TRIM29: variants seen among roughly 807,000 people sequenced by gnomAD.
TRIM29 encodes tripartite motif-containing protein 29.
A neutral mutation model predicts 57.3 loss-of-function variants in TRIM29; 52 were observed. That is an observed-to-expected ratio of 0.91 (90% CI 0.73 to 1.14). TRIM29 has a LOEUF of 1.14. Among genes scored for constraint, TRIM29 ranks in the 50% most tolerant of loss-of-function variants. TRIM29 has a pLI of 0.00. For missense variants in TRIM29, 753 were observed against 774.6 expected (o/e 0.97, Z 0.33); for synonymous variants, 319 against 316.9 (o/e 1.01, Z -0.07).
chr11:120,128,885 T>C, intron 1 of TRIM29: 1 of 1,462,104 alleles, frequency 6.8e-7, no homozygotes, highest in Non-Finnish European at 9.0e-7. Flanking sequence ...CCAGCCCAGC[T>C]CAGCCCAGCC....
chr11:120,127,271 GA>G, intron 3 of TRIM29, 64 bp downstream of exon 3: 6 of 1,424,232 alleles, frequency 4.2e-6, no homozygotes, highest in South Asian at 1.2e-5. Flanking sequence ...ATGGATGTTG[GA>G]GGGGGGTCTC....
chr11:120,123,001 C>T lies in TRIM29; in HGVS notation c.1388G>A (p.Ser463Asn), dbSNP rs776150226. The change falls in exon 5 of 9, where the codon AGT becomes AAT. Residue 463 changes from serine to asparagine, a missense_variant. Transcript: ENST00000341846. ...NYTNSFGGEW[S>N]APDTMKRYSM... Reference sequence around the variant, plus strand: ...GTATCTCTTCATGGTGTCCGGTGCACTCCACTCACCCCCGAAGCTGTTCGT... The same window carrying T: ...GTATCTCTTCATGGTGTCCGGTGCATTCCACTCACCCCCGAAGCTGTTCGT... 1 of 1,614,126 alleles carries T rather than the reference C, an allele frequency of 6.2e-7. No individual in the cohort carries two copies. Among genetic ancestry groups the T allele is most frequent in the Non-Finnish European group, 8.5e-7 (1 of 1,180,012 alleles).
Position 120,115,264 on chromosome 11 carries a change from T to C in TRIM29, c.1704+74A>G, listed in dbSNP as rs977549676. 13 of 1,474,232 alleles carry C rather than the reference T, an allele frequency of 8.8e-6. 1 individual carries two copies. In the Middle Eastern group the frequency reaches 7.4e-4, roughly 84 times the overall value. The allele number at this position is 1,474,232 out of a possible 1,614,324, so 91.3% of individuals were successfully genotyped here. A position where few individuals can be genotyped will look rare whatever the true frequency, so the allele number is the denominator to read the frequency against. On this transcript the variant is annotated intron_variant, in intron 8 of 8. Coordinates refer to ENST00000341846, the MANE Select transcript of TRIM29 (RefSeq NM_012101.4). ...GTCCTCCCACAGGCCCTGGAACCGA[T>C]TGCCTCCAGGGAGCCCCCTTCAGTG...
At chr11:120,131,761 G>T (rs76841124) in intron 1 of TRIM29, among the ~76,000 whole-genome samples, 4,796 of 151,544 alleles carry the variant, frequency 0.032, 129 homozygotes, top group Non-Finnish European at 0.045. Context: ...TGTCTGTTCA[G>T]CTCTTGGCAA....
chr11:120,120,365 AC>A (rs1863405619), intron 6 of TRIM29, among the ~76,000 whole-genome samples: 1 of 150,116 alleles, frequency 6.7e-6, no homozygotes, highest in African/African-American at 2.5e-5. Context: ...ACACACACAC[AC>A]ACACACACAC....
chr11:120,115,438 C>A lies in TRIM29; in HGVS notation c.1628-24G>T, dbSNP rs199858054. The A allele has an allele frequency of 2.5e-6, 4 of 1,608,916 alleles. No homozygotes were observed. The East Asian group carries it at 8.9e-5, about 36-fold the overall frequency. On this transcript the variant is annotated intron_variant, in intron 7 of 8. Coordinates refer to ENST00000341846, the MANE Select transcript of TRIM29 (RefSeq NM_012101.4). ...GCCTGGGAAGACAAGAGATTCAGGTCAAAGGGAGCAGCGCTGGTGGTCAGG... is the reference window on the plus strand; with the variant it reads ...GCCTGGGAAGACAAGAGATTCAGGTAAAAGGGAGCAGCGCTGGTGGTCAGG...
intron 4 of TRIM29, chr11:120,123,463 G>C (rs986244019): frequency 3.1e-5 from 14 of 458,262 alleles, no homozygotes; most frequent in Non-Finnish European, 5.7e-5. Flanking sequence ...GTCACATGCC[G>C]ATAAGGGCAG....
chr11:120,129,663 G>A (rs1863678097), intron 1 of TRIM29, among the ~76,000 whole-genome samples: 1 of 151,734 alleles, frequency 6.6e-6, no homozygotes, highest in African/African-American at 2.4e-5. Flanking sequence ...GGCCAAGGAA[G>A]TGCTAACAGG....
rs1863832314 is a variant in TRIM29, at chr11:120,137,113, G to C, written c.804+115C>G. The C allele has an allele frequency of 8.8e-7, 1 of 1,132,224 alleles. No individual in the cohort carries two copies. Among genetic ancestry groups the C allele is most frequent in the African/African-American group, 1.5e-5 (1 of 64,636 alleles). The allele number at this position is 1,132,224 out of a possible 1,614,324, so 70.1% of individuals were successfully genotyped here. A position where few individuals can be genotyped will look rare whatever the true frequency, so the allele number is the denominator to read the frequency against. On this transcript the variant is annotated intron_variant, in intron 1 of 8. Transcript: ENST00000341846. The surrounding 1 kb of genome is among the most constrained non-coding windows in gnomAD (Gnocchi z 6.2). ...ATAAATGTTTTCTAAAAGAGCCAAG[G>C]ACAGTAGAAACTTAAGCCCCAAACC...
intron 7 of TRIM29, chr11:120,116,123 G>A (rs1366441535): frequency 6.6e-6 from 1 of 152,362 alleles, no homozygotes; most frequent in African/African-American, 2.4e-5. Context: ...GGCCTAGAGA[G>A]GTGCAGGAAT....
rs1322940848 is a variant in TRIM29 at position 120,125,691 on chromosome 11, C to T, written c.1333G>A (p.Gly445Ser). Reference sequence around the variant, plus strand: ...GGCCCAGCCACGAGAGGGGACCTACCGTTCTCCATGTGGTTCCTCTCAATG... The same window carrying T: ...GGCCCAGCCACGAGAGGGGACCTACTGTTCTCCATGTGGTTCCTCTCAATG... ...NFIERNHMENGGDHRYVNNYT... is the reference protein window; with the variant it reads ...NFIERNHMENSGDHRYVNNYT... Residue 445 changes from glycine to serine, a missense_variant and splice_region_variant, in exon 4 of 9, where the codon GGT becomes AGT. Transcript: ENST00000341846. 1 of 1,614,080 alleles carries T rather than the reference C, an allele frequency of 6.2e-7. No individual in the cohort carries two copies. Among genetic ancestry groups the T allele is most frequent in the Non-Finnish European group, 8.5e-7 (1 of 1,180,018 alleles).
intron 7 of TRIM29, chr11:120,117,813 C>G (rs927019453): frequency 4.6e-6 from 1 of 215,850 alleles, no homozygotes; most frequent in Non-Finnish European, 9.3e-6. Context: ...AGGATTGGAT[C>G]TGCAGGATGC....
chr11:120,113,728 G>A, intron 8 of TRIM29: 2 of 455,848 alleles, frequency 4.4e-6, no homozygotes, highest in Non-Finnish European at 8.8e-6. Flanking sequence ...GCAGAGCCTG[G>A]ACCAGGTCTC....
intron 1 of TRIM29, among the ~76,000 whole-genome samples, chr11:120,129,479 G>A (rs1388306124): frequency 6.6e-6 from 1 of 152,138 alleles, no homozygotes; most frequent in African/African-American, 2.4e-5. Context: ...CACTACCACT[G>A]GGTTTTGAAT....
intron 3 of TRIM29, among the ~76,000 whole-genome samples, chr11:120,126,580 T>C (rs1863596119): frequency 1.3e-5 from 2 of 152,196 alleles, no homozygotes; most frequent in Non-Finnish European, 2.9e-5. Context: ...CCATGCTCAG[T>C]GCTGCCTTTG....
intron 7 of TRIM29, 130 bp downstream of exon 7, chr11:120,118,093 C>T (rs2134988459): frequency 3.6e-6 from 3 of 844,264 alleles, no homozygotes; most frequent in Middle Eastern, 3.3e-4. Context: ...AGCTCCCGGG[C>T]TCTCAGGCCA....
intron 4 of TRIM29, chr11:120,124,140 G>T (rs1863528141): frequency 6.5e-6 from 1 of 154,104 alleles, no homozygotes; most frequent in African/African-American, 2.4e-5. Flanking sequence ...GCCCATCCCT[G>T]CTCCTGCTTG....
chr11:120,136,789 C>CAA (rs11310050), intron 1 of TRIM29, among the ~76,000 whole-genome samples: 1 of 140,496 alleles, frequency 7.1e-6, no homozygotes, highest in Non-Finnish European at 1.6e-5. Context: ...TTCTTCAAAG[C>CAA]AAAAAAAAAA....
Position 120,115,327 on chromosome 11 carries a change from A to C in TRIM29, c.1704+11T>G, listed in dbSNP as rs1299867473. 6.2e-7 allele frequency: 1 copy of C among 1,612,526 alleles called. No homozygotes were observed. The highest frequency in any genetic ancestry group is 1.1e-5 in the South Asian group (1 of 90,528). ...GATGTGCCCAGGCCCTCCCGGCAGCACTTCCCTTACCAGCATAGTCTGCTT... is the reference window on the plus strand; with the variant it reads ...GATGTGCCCAGGCCCTCCCGGCAGCCCTTCCCTTACCAGCATAGTCTGCTT... On this transcript the variant is annotated intron_variant, in intron 8 of 8. Coordinates refer to ENST00000341846, the MANE Select transcript of TRIM29 (RefSeq NM_012101.4).
Sources: allele counts gnomAD v4.1 joint callset (sites outside exome capture counted in the v4.1 genomes callset), GRCh38; gene constraint gnomAD v4.1.1; non-coding constraint Gnocchi (gnomAD v3.1); transcripts MANE v1.5; gene names NCBI Gene and HGNC (gene_info 2026-07-23, HGNC 2026-07-21).